PLEKHA8: variants seen among roughly 807,000 people sequenced by gnomAD.
The protein encoded by PLEKHA8 is pleckstrin homology domain-containing family A member 8.
Under a neutral mutation model 68.2 loss-of-function variants are expected in PLEKHA8, and 36 were observed. The ratio of observed to expected loss-of-function variants is 0.53; its 90% CI spans 0.40 to 0.70. PLEKHA8 has a LOEUF of 0.70. PLEKHA8 is among the 30% of genes least tolerant of loss of function. The pLI is 0.00. For synonymous variants in PLEKHA8, 211 were observed against 216.1 expected, an observed-to-expected ratio of 0.98 and a Z score of 0.20; for missense variants, 505 against 615.4, an observed-to-expected ratio of 0.82 and a Z score of 1.90.
chr7:30,039,089 A>G (rs939438771), intron 1 of PLEKHA8, among the ~76,000 whole-genome samples: 3 of 152,244 alleles, frequency 2.0e-5, no homozygotes, highest in African/African-American at 4.8e-5. Context: ...CAGTTTGTTC[A>G]TTAAGTGTAG....
intron 12 of PLEKHA8, among the ~76,000 whole-genome samples, chr7:30,069,108 C>G (rs540941217): frequency 1.3e-5 from 2 of 152,272 alleles, no homozygotes; most frequent in East Asian, 3.9e-4. Context: ...GATGAAGGTT[C>G]TTACTATTCT....
chr7:30,029,263 A>C (rs1227353722), intron 1 of PLEKHA8, among the ~76,000 whole-genome samples: 2 of 152,214 alleles, frequency 1.3e-5, no homozygotes, highest in Non-Finnish European at 2.9e-5. Context: ...CCTCAGTGCA[A>C]ACACTTTCCC....
intron 12 of PLEKHA8, among the ~76,000 whole-genome samples, chr7:30,067,640 C>T (rs1291689374): frequency 6.6e-6 from 1 of 152,140 alleles, no homozygotes; most frequent in Non-Finnish European, 1.5e-5. Flanking sequence ...TTATGTAATA[C>T]ATGTTTTTAT....
At chr7:30,036,412 AT>A (rs1280605496) in intron 1 of PLEKHA8, among the ~76,000 whole-genome samples, 8 of 8,054 alleles carry the variant, frequency 9.9e-4, no homozygotes, top group African/African-American at 2.6e-3. Flanking sequence ...GATAGAATAG[AT>A]AGATAGATAG....
Position 30,055,763 on chromosome 7 carries a change from T to C in PLEKHA8, c.1039+421T>C, listed in dbSNP as rs181995233. On this transcript the variant is annotated intron_variant, in intron 9 of 13. Transcript: ENST00000449726. ...TCACTGCAAACTTCACCTCCCAGGC[T>C]CAAGCAATCCTTCCACCTCAGCCTT... Among the ~76,000 whole-genome samples the C allele has an allele frequency of 4.0e-4, 61 of 152,128 alleles. 1 individual carries two copies. The highest frequency in any genetic ancestry group is 1.3e-3 in the African/African-American group (55 of 41,518).
chr7:30,050,080 A>G (rs1193700104), intron 5 of PLEKHA8, among the ~76,000 whole-genome samples: 3 of 152,214 alleles, frequency 2.0e-5, no homozygotes, highest in Admixed American at 2.0e-4. Context: ...TTATACCTCT[A>G]GTATTTGATA....
intron 13 of PLEKHA8, among the ~76,000 whole-genome samples, chr7:30,113,449 C>T (rs1255728113): frequency 1.3e-5 from 2 of 151,992 alleles, no homozygotes; most frequent in East Asian, 1.9e-4. Flanking sequence ...TTATTTTTTG[C>T]TTCTTTATAG....
chr7:30,084,783 C>T (rs1795108445), downstream of PLEKHA8: 2 of 380,426 alleles, frequency 5.3e-6, no homozygotes, highest in Non-Finnish European at 7.2e-6. Flanking sequence ...ATTTCATCCT[C>T]CTAATAACTC....
exon 13 of PLEKHA8, chr7:30,090,437 C>A: frequency 2.7e-6 from 1 of 370,220 alleles, no homozygotes; most frequent in Non-Finnish European, 4.9e-6. Context: ...TACCTGAGTG[C>A]CTTCTTAAGG....
intron 1 of PLEKHA8, among the ~76,000 whole-genome samples, chr7:30,044,169 G>A (rs1791769258): frequency 6.6e-6 from 1 of 151,894 alleles, no homozygotes; most frequent in African/African-American, 2.4e-5. Flanking sequence ...GCCACGCCCA[G>A]CTAATTTTTG....
At chr7:30,040,856 T>G (rs1262751364) in intron 1 of PLEKHA8, among the ~76,000 whole-genome samples, 1 of 152,160 alleles carries the variant, frequency 6.6e-6, no homozygotes, top group Non-Finnish European at 1.5e-5. Flanking sequence ...GGAATTTGGG[T>G]GATACCACAT....
Position 30,083,540 on chromosome 7 carries a change from C to T in PLEKHA8, c.*4753C>T, listed in dbSNP as rs1795046574. The T allele has an allele frequency of 1.0e-6, 1 of 985,214 alleles. No individual in the cohort carries two copies. The highest frequency in any genetic ancestry group is 1.2e-6 in the Non-Finnish European group (1 of 829,920). The allele number at this position is 985,214 out of a possible 1,614,324, so 61.0% of individuals were successfully genotyped here. A position where few individuals can be genotyped will look rare whatever the true frequency, so the allele number is the denominator to read the frequency against. Reference sequence around the variant, plus strand: ...CATTGCACTGCTGCATTCAGGCACTCCAGGGCATGATTAAACAGTCATTAA... The same window carrying T: ...CATTGCACTGCTGCATTCAGGCACTTCAGGGCATGATTAAACAGTCATTAA... On this transcript the variant is annotated 3_prime_UTR_variant, in exon 14 of 14. Transcript: ENST00000449726.
In PLEKHA8 at chr7:30,037,173, C is replaced by A. The variant is rs189436102; in HGVS notation, c.41-7912C>A. On this transcript the variant is annotated intron_variant, in intron 1 of 13. Coordinates refer to ENST00000449726, the MANE Select transcript of PLEKHA8 (RefSeq NM_001197026.2). ...TTTCACTATTAACATATCTATATAG[C>A]ATACATAATATATGATATGATAATA... 2.0e-4 allele frequency among the ~76,000 whole-genome samples: 30 copies of A among 152,206 alleles called. No individual in the cohort carries two copies. In the East Asian group the frequency reaches 4.4e-3, roughly 23 times the overall value.
At chr7:30,067,956 A>ATCATATGG (rs1793977674) in intron 12 of PLEKHA8, among the ~76,000 whole-genome samples, 1 of 152,250 alleles carries the variant, frequency 6.6e-6, no homozygotes, top group Non-Finnish European at 1.5e-5. Context: ...CATGTTCTCT[A>ATCATATGG]TCATATGGAA....
chr7:30,117,030 C>A (rs115557582), intron 13 of PLEKHA8, among the ~76,000 whole-genome samples: 5 of 152,184 alleles, frequency 3.3e-5, no homozygotes, highest in Non-Finnish European at 7.3e-5. Flanking sequence ...ACTTTGTCAC[C>A]GCCTTTCCGT....
In PLEKHA8 at chr7:30,028,749, T is replaced by G. The variant is rs2127953630; in HGVS notation, c.-14T>G. The stretch of plus-strand genomic sequence containing the variant: ...AGGGGGCCGGCGGGCGTGGGCCGAG[T>G]GGCCGCGGGCGCCATGGAGGGGGTG... On this transcript the variant is annotated 5_prime_UTR_variant, in exon 1 of 14. Coordinates refer to ENST00000449726, the MANE Select transcript of PLEKHA8 (RefSeq NM_001197026.2). 1 of 1,259,576 alleles carries G rather than the reference T, an allele frequency of 7.9e-7. No individual in the cohort carries two copies. Among genetic ancestry groups the G allele is most frequent in the Non-Finnish European group, 1.0e-6 (1 of 996,446 alleles). 78.0% of individuals were successfully genotyped at this position (1,259,576 alleles called of 1,614,324 possible).
intron 13 of PLEKHA8, among the ~76,000 whole-genome samples, chr7:30,120,918 A>G (rs967287514): frequency 6.6e-5 from 10 of 152,372 alleles, no homozygotes; most frequent in Middle Eastern, 6.8e-3. Flanking sequence ...TAAAACAAAA[A>G]GGACAGTGGG....
chr7:30,116,324 ATGTG>A (rs974888373), intron 13 of PLEKHA8, among the ~76,000 whole-genome samples: 6 of 151,226 alleles, frequency 4.0e-5, no homozygotes, highest in Non-Finnish European at 5.9e-5. Flanking sequence ...ACATACACAT[ATGTG>A]TGTATGTATA....
chr7:30,039,209 C>T (rs1243054942), intron 1 of PLEKHA8, among the ~76,000 whole-genome samples: 1 of 152,170 alleles, frequency 6.6e-6, no homozygotes, highest in Non-Finnish European at 1.5e-5. Flanking sequence ...CAGTGAAAAA[C>T]TTATTTTTAA....
Sources: allele counts gnomAD v4.1 joint callset (sites outside exome capture counted in the v4.1 genomes callset), GRCh38; gene constraint gnomAD v4.1.1; transcripts MANE v1.5; gene names NCBI Gene and HGNC (gene_info 2026-07-23, HGNC 2026-07-21).